Variants in CD2AP observed in about 807,000 individuals in gnomAD.
The protein encoded by CD2AP is CD2-associated protein.
A neutral mutation model predicts 85.1 loss-of-function variants in CD2AP; 46 were observed. The observed-to-expected ratio is 0.54, with a 90% confidence interval of 0.43 to 0.69. The LOEUF is 0.69. Ranked by LOEUF, CD2AP falls within the 30% of genes least tolerant of loss-of-function variation. The pLI, the probability that CD2AP is intolerant of heterozygous loss-of-function variation, is 0.00. For missense variants in CD2AP, 769 were observed against 729.5 expected, an observed-to-expected ratio of 1.05 and a Z score of -0.62; for synonymous variants, 255 against 252.9, an observed-to-expected ratio of 1.01 and a Z score of -0.08.
At chr6:47,514,206 A>T (rs1354459975) in intron 2 of CD2AP, among the ~76,000 whole-genome samples, 1 of 152,132 alleles carries the variant, frequency 6.6e-6, no homozygotes, top group Admixed American at 6.6e-5. Flanking sequence ...GTATGTCATC[A>T]ATCTTTTTTT....
intron 12 of CD2AP, among the ~76,000 whole-genome samples, chr6:47,598,912 A>C (rs954068299): frequency 1.3e-5 from 2 of 150,622 alleles, no homozygotes; most frequent in Admixed American, 1.3e-4. Flanking sequence ...AATAAAAAAT[A>C]ATCTAAAATA....
intron 1 of CD2AP, among the ~76,000 whole-genome samples, chr6:47,486,090 A>G (rs949185760): frequency 6.6e-6 from 1 of 152,232 alleles, no homozygotes; most frequent in African/African-American, 2.4e-5. Flanking sequence ...AGGTCACATC[A>G]TCAAGCAAAG....
At chr6:47,491,297 G>A (rs1765728517) in intron 1 of CD2AP, among the ~76,000 whole-genome samples, 1 of 123,962 alleles carries the variant, frequency 8.1e-6, no homozygotes, top group Non-Finnish European at 1.7e-5. Context: ...GTGTGTGTGT[G>A]TGTGTGTAAT....
At chr6:47,577,155 T>C in intron 8 of CD2AP, 52 bp downstream of exon 8, 1 of 987,370 alleles carries the variant, frequency 1.0e-6, no homozygotes, top group Non-Finnish European at 1.6e-6. Flanking sequence ...ATAGAAATAT[T>C]TTTCAAAAGT....
chr6:47,531,492 G>A (rs1582521922), intron 2 of CD2AP, among the ~76,000 whole-genome samples: 1 of 150,662 alleles, frequency 6.6e-6, no homozygotes, highest in East Asian at 2.1e-4. Context: ...GTTTATTTAA[G>A]GTATGTACTG....
intron 5 of CD2AP, among the ~76,000 whole-genome samples, chr6:47,560,723 A>C (rs1032206605): frequency 1.1e-4 from 16 of 152,184 alleles, no homozygotes; most frequent in African/African-American, 3.9e-4. Context: ...TCATAAATTT[A>C]GTTACAGCTG....
chr6:47,602,848 C>G (rs550549661), intron 13 of CD2AP, among the ~76,000 whole-genome samples: 1 of 151,894 alleles, frequency 6.6e-6, no homozygotes, highest in Admixed American at 6.6e-5. Context: ...TGTAGTGAGC[C>G]TTGATCATGC....
intron 11 of CD2AP, among the ~76,000 whole-genome samples, chr6:47,586,592 C>G (rs1348008528): frequency 6.6e-6 from 1 of 152,002 alleles, no homozygotes; most frequent in African/African-American, 2.4e-5. Context: ...ACAAAAATAC[C>G]TTTTGGGAAT....
chr6:47,485,020 A>G (rs758024609), intron 1 of CD2AP, among the ~76,000 whole-genome samples: 3 of 152,178 alleles, frequency 2.0e-5, no homozygotes, highest in African/African-American at 2.4e-5. Flanking sequence ...TGTGTTTGTG[A>G]TGATGCTGGT....
chr6:47,578,875 T>C (rs1246224087), intron 8 of CD2AP, among the ~76,000 whole-genome samples: 1 of 152,110 alleles, frequency 6.6e-6, no homozygotes, highest in African/African-American at 2.4e-5. Flanking sequence ...CAGGCTGGTC[T>C]CAAACTTCTG....
At chr6:47,579,721 C>T (rs2114104892) in intron 9 of CD2AP, 2 of 438,134 alleles carry the variant, frequency 4.6e-6, no homozygotes, top group African/African-American at 2.0e-5. Flanking sequence ...CCTTAGACTT[C>T]TTTATTTTAT....
At chr6:47,499,779 G>C (rs1046371501) in intron 1 of CD2AP, among the ~76,000 whole-genome samples, 1 of 152,096 alleles carries the variant, frequency 6.6e-6, no homozygotes, top group Non-Finnish European at 1.5e-5. Context: ...GTCTTGCTCT[G>C]TCGCAGTGGC....
At chr6:47,595,662 A>G (rs936248758) in intron 11 of CD2AP, among the ~76,000 whole-genome samples, 199 bp from the exon 12 acceptor site, 6 of 152,030 alleles carry the variant, frequency 3.9e-5, no homozygotes, top group African/African-American at 1.4e-4. Flanking sequence ...CATAATAAAC[A>G]TTTTTTAAAG....
At chr6:47,519,466 C>G (rs1404676684) in intron 2 of CD2AP, among the ~76,000 whole-genome samples, 1 of 152,168 alleles carries the variant, frequency 6.6e-6, no homozygotes, top group African/African-American at 2.4e-5. Context: ...GTGTAGACCT[C>G]TGTTTGACTT....
intron 2 of CD2AP, among the ~76,000 whole-genome samples, chr6:47,506,499 C>T (rs1766169389): frequency 3.5e-5 from 2 of 56,516 alleles, no homozygotes; most frequent in Admixed American, 3.1e-4. Context: ...CACTGCACTC[C>T]AGCCTGGGCA....
chr6:47,574,201 C>G lies in CD2AP; in HGVS notation c.679C>G (p.Leu227Val). 6.2e-7 allele frequency: 1 copy of G among 1,614,026 alleles called. No individual in the cohort carries two copies. Among genetic ancestry groups the G allele is most frequent in the Non-Finnish European group, 8.5e-7 (1 of 1,179,966 alleles). Reference protein sequence around the residue: ...GDIFKEGSVKLRTRTSSSETE... With the variant: ...GDIFKEGSVKVRTRTSSSETE... ...CATTTTTAAAGAAGGCTCTGTGAAA[C>G]TTCGGACAAGAACATCCAGTAGTGA... The change falls in exon 6 of 18, where the codon CTT (leucine) becomes GTT (valine). Residue 227 changes from leucine (L) to valine (V), a missense_variant. Transcript: ENST00000359314.
intron 4 of CD2AP, among the ~76,000 whole-genome samples, chr6:47,553,211 G>A (rs576941346): frequency 1.3e-5 from 2 of 152,134 alleles, no homozygotes; most frequent in Admixed American, 1.3e-4. Flanking sequence ...GACTAACTTA[G>A]TAAAAGGTTG....
intron 3 of CD2AP, among the ~76,000 whole-genome samples, chr6:47,534,351 A>T (rs1766969501): frequency 6.6e-6 from 1 of 152,312 alleles, no homozygotes; most frequent in Non-Finnish European, 1.5e-5. Context: ...AAAAAGCAAA[A>T]CAAAACAAAA....
At chr6:47,544,577 C>A (rs1207207963) in intron 3 of CD2AP, 29 bp from the exon 4 acceptor site, 4 of 1,349,346 alleles carry the variant, frequency 3.0e-6, no homozygotes, top group Non-Finnish European at 4.3e-6. Context: ...CATTCTTAAT[C>A]TAATTTCTTA....
Sources: gnomAD v4.1 joint callset for allele counts (sites outside exome capture counted in the v4.1 genomes callset) on GRCh38, gnomAD v4.1.1 for gene constraint, MANE v1.5 for transcripts, NCBI Gene and HGNC (gene_info 2026-07-23, HGNC 2026-07-21) for gene names.